SVEP1: variants seen among roughly 807,000 people sequenced by gnomAD.
The protein encoded by SVEP1 is sushi, von Willebrand factor type A, EGF and pentraxin domain containing 1, also known as sushi, von Willebrand factor type A, EGF and pentraxin domain-containing protein 1.
In SVEP1, 164 loss-of-function variants were observed where a neutral mutation model predicts 367.3. That is an observed-to-expected ratio of 0.45 (90% CI 0.39 to 0.51). The LOEUF is 0.51. Among genes scored for constraint, SVEP1 ranks in the 20% least tolerant of loss-of-function variants. The pLI is 0.00. For synonymous variants in SVEP1, 1,666 were observed against 1,611.6 expected, an observed-to-expected ratio of 1.03 and a Z score of -0.81; for missense variants, 4,117 against 4,425.3, an observed-to-expected ratio of 0.93 and a Z score of 1.98.
At chr9:110,409,075 A>G in intron 37 of SVEP1, 124 bp from the exon 38 acceptor site, 1 of 1,080,622 alleles carries the variant, frequency 9.3e-7, no homozygotes. Context: ...GGAAGTAAGC[A>G]AATAATGATT....
chr9:110,575,764 T>C (rs1830620956), intron 1 of SVEP1, among the ~76,000 whole-genome samples: 1 of 151,200 alleles, frequency 6.6e-6, no homozygotes, highest in African/African-American at 2.4e-5. Flanking sequence ...ACCATTAAGA[T>C]TTAAAGAGCA....
chr9:110,511,168 A>T (rs1829705009), intron 5 of SVEP1, among the ~76,000 whole-genome samples: 4 of 152,116 alleles, frequency 2.6e-5, no homozygotes, highest in Admixed American at 2.0e-4. Flanking sequence ...TCCCGACATA[A>T]ATCTGTTTTT....
intron 40 of SVEP1, among the ~76,000 whole-genome samples, chr9:110,398,143 G>C (rs1449439538): frequency 1.3e-5 from 2 of 152,068 alleles, no homozygotes; most frequent in South Asian, 2.1e-4. Flanking sequence ...CCAAAACAGA[G>C]ATATAGACCA....
rs1191002640 is a variant in SVEP1, at chr9:110,389,404, T to C, written c.9886+120A>G. 7 of 1,172,462 alleles carry C rather than the reference T, an allele frequency of 6.0e-6. No individual in the cohort carries two copies. In the East Asian group the frequency reaches 1.2e-4, roughly 20 times the overall value. The allele number at this position is 1,172,462 out of a possible 1,614,324, so 72.6% of individuals were successfully genotyped here. On this transcript the variant is annotated intron_variant, in intron 41 of 47. Coordinates refer to ENST00000374469, the MANE Select transcript of SVEP1 (RefSeq NM_153366.4). ...AAAAGCCCATTAAAAGGTTCTCATATGGCTTATGGAGTTGGCTTACATTTT... is the reference window on the plus strand; with the variant it reads ...AAAAGCCCATTAAAAGGTTCTCATACGGCTTATGGAGTTGGCTTACATTTT...
At chr9:110,432,093 A>G (rs774506057) in intron 31 of SVEP1, 59 bp from the exon 32 acceptor site, 26 of 1,527,268 alleles carry the variant, frequency 1.7e-5, no homozygotes, top group Non-Finnish European at 2.3e-5. Flanking sequence ...TGTATCAAAC[A>G]TCTGTTTTTA....
At chr9:110,573,929 T>G (rs1458571784) in intron 1 of SVEP1, among the ~76,000 whole-genome samples, 1 of 152,216 alleles carries the variant, frequency 6.6e-6, no homozygotes, top group African/African-American at 2.4e-5. Context: ...CTTTAGTCCT[T>G]GCACTCTTTG....
chr9:110,571,889 T>C (rs768435732), intron 1 of SVEP1, among the ~76,000 whole-genome samples: 5 of 152,216 alleles, frequency 3.3e-5, no homozygotes, highest in African/African-American at 9.6e-5. Context: ...TTTGAAAACA[T>C]GCTATCTCCT....
In SVEP1 at chr9:110,406,800, C is replaced by T. The variant is rs756840750; in HGVS notation, c.8800G>A (p.Asp2934Asn). The change falls in exon 38 of 48, where the codon GAT becomes AAT. Residue 2934 changes from aspartate to asparagine, a missense_variant. Asp to Asn is a conservative substitution (Grantham distance 23, BLOSUM62 1). Coordinates refer to ENST00000374469, the MANE Select transcript of SVEP1 (RefSeq NM_153366.4). ...GGAATCTCTGCATCCCAGTTGCCAT[C>T]TGACTGACAGGTGAGTTTTGGAGCA... The part of the protein sequence containing the change: ...HGAPKLTCQS[D>N]GNWDAEIPLC... 2 of 1,614,066 alleles carry T rather than the reference C, an allele frequency of 1.2e-6. No individual in the cohort carries two copies. Among genetic ancestry groups the T allele is most frequent in the South Asian group, 2.2e-5 (2 of 91,086 alleles).
At chr9:110,368,525 T>TA (rs1295632542) in intron 47 of SVEP1, among the ~76,000 whole-genome samples, 1 of 152,224 alleles carries the variant, frequency 6.6e-6, no homozygotes, top group East Asian at 1.9e-4. Flanking sequence ...TGCTAATAAT[T>TA]ATCCTTTCCT....
intron 41 of SVEP1, among the ~76,000 whole-genome samples, chr9:110,389,302 ATCTTGTGTCCTATTGCAGTT>A (rs1386016519): frequency 1.3e-5 from 2 of 152,164 alleles, no homozygotes; most frequent in Non-Finnish European, 2.9e-5. Flanking sequence ...AGAGTCAGTA[ATCTTGTGTCCTATTGCAGTT>A]AATTGTTAAT....
intron 8 of SVEP1, among the ~76,000 whole-genome samples, chr9:110,493,277 A>G (rs1829397853): frequency 6.6e-6 from 1 of 151,918 alleles, no homozygotes; most frequent in Non-Finnish European, 1.5e-5. Flanking sequence ...CAAGAGAGAT[A>G]ATTTTTTTTT....
chr9:110,457,257 T>A lies in SVEP1; in HGVS notation c.3672A>T (p.Thr1224=). The A allele has an allele frequency of 6.3e-7, 1 of 1,594,386 alleles. No individual in the cohort carries two copies. The highest frequency in any genetic ancestry group is 8.5e-7 in the Non-Finnish European group (1 of 1,173,850). ...GYVCLCPLGY[T]GLKCETDIDE... is the part of the protein sequence containing the mutation. ...TCTACATTCCTCTTGGTTATTTACC[T>A]GTATATCCAAGTGGACAGAGACAAA... The change falls in exon 21 of 48, where the codon ACA becomes ACT. Residue 1224 remains threonine (T), a splice_region_variant and synonymous_variant. Transcript: ENST00000374469.
intron 1 of SVEP1, among the ~76,000 whole-genome samples, chr9:110,561,289 C>T (rs1273675754): frequency 6.6e-6 from 1 of 152,152 alleles, no homozygotes; most frequent in Non-Finnish European, 1.5e-5. Flanking sequence ...TTTAAACTTT[C>T]CCAAATTCTT....
Position 110,546,110 on chromosome 9 carries a change from C to A in SVEP1, c.964+5G>T, listed in dbSNP as rs1231322177. On this transcript the variant is annotated splice_donor_5th_base_variant and intron_variant, in intron 3 of 47. Transcript: ENST00000374469. ...ACAACTGATATACACAGATTGGAGA[C>A]TCACCTGTGCATTCATACTGCAGAC... 6.4e-7 allele frequency: 1 copy of A among 1,551,944 alleles called. No homozygotes were observed. The highest frequency in any genetic ancestry group is 8.7e-7 in the Non-Finnish European group (1 of 1,146,982).
intron 28 of SVEP1, 28 bp from the exon 29 acceptor site, chr9:110,435,392 G>A (rs756354039): frequency 1.9e-6 from 3 of 1,608,726 alleles, no homozygotes; most frequent in South Asian, 1.1e-5. Flanking sequence ...CTTTAGATAA[G>A]CCTTACTTGT....
At chr9:110,577,749 AAAAC>A (rs772195356) in intron 1 of SVEP1, among the ~76,000 whole-genome samples, 143 of 152,222 alleles carry the variant, frequency 9.4e-4, no homozygotes, top group Middle Eastern at 3.4e-3. Context: ...TTAAGAAAAA[AAAAC>A]AAGCCAATGT....
chr9:110,433,164 A>G (rs1828378308), intron 30 of SVEP1, among the ~76,000 whole-genome samples: 1 of 152,154 alleles, frequency 6.6e-6, no homozygotes, highest in East Asian at 1.9e-4. Flanking sequence ...TGCCAGCACC[A>G]TGCTTCCTGT....
At position 110,400,992 on chromosome 9, in the gene SVEP1, C is replaced by T. The variant is rs1588034879; in HGVS notation, c.9684G>A (p.Glu3228=). ...TGCAAGATTCATCGGAGAATGGTGG[C>T]TCCCAGGTTCCATCAAGCTAAGTGA... ...ISVCQLDGTW[E]PPFSDESCSP... is the part of the protein sequence containing the mutation. Residue 3228 remains glutamate, a synonymous_variant, in exon 40 of 48, where the codon GAG becomes GAA. Coordinates refer to ENST00000374469, the MANE Select transcript of SVEP1 (RefSeq NM_153366.4). The T allele has an allele frequency of 6.2e-7, 1 of 1,613,692 alleles. No individual in the cohort carries two copies. Among genetic ancestry groups the T allele is most frequent in the Non-Finnish European group, 8.5e-7 (1 of 1,179,812 alleles).
rs372807805 is a variant in SVEP1 at position 110,429,339 on chromosome 9, A to C, written c.5616-5T>G. 7.1e-4 allele frequency: 1,077 copies of C among 1,513,862 alleles called. 2 individuals are homozygous for C. Among genetic ancestry groups the C allele is most frequent in the Non-Finnish European group, 9.0e-4 (1,022 of 1,133,438 alleles). 93.8% of individuals were successfully genotyped at this position (1,513,862 alleles called of 1,614,324 possible). ...AGAGTATATCCTTTATTACACCTAA[A>C]GAAGATAGAGGAAAATTACAGGATA... On this transcript the variant is annotated splice_polypyrimidine_tract_variant and splice_region_variant and intron_variant, in intron 34 of 47. Coordinates refer to ENST00000374469, the MANE Select transcript of SVEP1 (RefSeq NM_153366.4).
Sources: gnomAD v4.1 joint callset for allele counts (sites outside exome capture counted in the v4.1 genomes callset) on GRCh38, gnomAD v4.1.1 for gene constraint, MANE v1.5 for transcripts, NCBI Gene and HGNC (gene_info 2026-07-23, HGNC 2026-07-21) for gene names.